MYT1L: variants seen among roughly 807,000 people sequenced by gnomAD.
The protein encoded by MYT1L is myelin transcription factor 1-like protein.
MYT1L carries 12 observed loss-of-function variants against 126.7 expected under a neutral mutation model. The observed-to-expected ratio is 0.09, with a 90% confidence interval of 0.06 to 0.15. The LOEUF is 0.15. MYT1L is among the 10% of genes least tolerant of loss of function. MYT1L has a pLI of 1.00. For missense variants in MYT1L, 979 were observed against 1,585.2 expected (o/e 0.62, Z 6.49); for synonymous variants, 541 against 604.2 (o/e 0.90, Z 1.53).
At chr2:2,156,637 C>T (rs908001669) in intron 3 of MYT1L, among the ~76,000 whole-genome samples, 2 of 152,196 alleles carry the variant, frequency 1.3e-5, no homozygotes, top group African/African-American at 4.8e-5. Context: ...CGAAGGCTGG[C>T]TTTCTGCTTT....
intron 1 of MYT1L, among the ~76,000 whole-genome samples, chr2:2,316,652 C>G (rs1383031540): frequency 3.3e-5 from 5 of 152,130 alleles, no homozygotes; most frequent in Non-Finnish European, 7.4e-5. Context: ...TCAAGGCAAC[C>G]CACCACCTAC....
intron 9 of MYT1L, among the ~76,000 whole-genome samples, chr2:1,934,131 C>T (rs568106365): frequency 2.6e-4 from 37 of 142,548 alleles, no homozygotes; most frequent in South Asian, 1.1e-3. Context: ...CCCGCCACCA[C>T]GCCTGGCTAA....
intron 18 of MYT1L, among the ~76,000 whole-genome samples, chr2:1,878,226 G>A (rs574438703): frequency 1.3e-4 from 20 of 152,152 alleles, no homozygotes; most frequent in African/African-American, 3.6e-4. Context: ...TCATCTCACC[G>A]TGCAGCTTGC....
At chr2:2,183,952 A>G (rs1375274738) in intron 2 of MYT1L, among the ~76,000 whole-genome samples, 15 of 140,050 alleles carry the variant, frequency 1.1e-4, no homozygotes, top group African/African-American at 3.2e-4. Flanking sequence ...AGGAAGGAAG[A>G]AAGGGAGGGA....
chr2:2,020,688 C>T (rs550776693), intron 4 of MYT1L, among the ~76,000 whole-genome samples: 1 of 152,218 alleles, frequency 6.6e-6, no homozygotes, highest in African/African-American at 2.4e-5. Context: ...TTTCTTGTTC[C>T]TAAGTTTTAA....
chr2:1,801,573 T>G lies in MYT1L; in HGVS notation c.3276+123A>C, dbSNP rs988350931. 4.5e-6 allele frequency: 3 copies of G among 663,294 alleles called. No individual in the cohort carries two copies. The highest frequency in any genetic ancestry group is 7.9e-6 in the Non-Finnish European group (3 of 377,514). 41.1% of individuals were successfully genotyped at this position (663,294 alleles called of 1,614,324 possible). A position where few individuals can be genotyped will look rare whatever the true frequency, so the allele number is the denominator to read the frequency against. ...AGACCAATATCATAAGGTGGAAAAATAAAGGAAATAAAAGAGCAAATAAGA... is the reference window on the plus strand; with the variant it reads ...AGACCAATATCATAAGGTGGAAAAAGAAAGGAAATAAAAGAGCAAATAAGA... On this transcript the variant is annotated intron_variant, in intron 23 of 24. Transcript: ENST00000647738. The surrounding 1 kb of genome is among the most constrained non-coding windows in gnomAD (Gnocchi z 4.2).
intron 3 of MYT1L, among the ~76,000 whole-genome samples, chr2:2,105,473 T>C (rs1309404286): frequency 1.3e-5 from 2 of 152,250 alleles, no homozygotes; most frequent in Admixed American, 6.5e-5. Context: ...ATTCTGTCTA[T>C]ACTGTGTTTT....
At chr2:2,301,968 G>A (rs1328689049) in intron 1 of MYT1L, among the ~76,000 whole-genome samples, 1 of 152,016 alleles carries the variant, frequency 6.6e-6, no homozygotes, top group Admixed American at 6.6e-5. Flanking sequence ...CTAAGTTAGA[G>A]TTTGTTGATA....
chr2:2,280,729 G>T (rs2149398880), intron 2 of MYT1L, among the ~76,000 whole-genome samples: 1 of 152,196 alleles, frequency 6.6e-6, no homozygotes, highest in East Asian at 1.9e-4. Flanking sequence ...GACCCCATCA[G>T]GAGGTGGAGA....
Position 1,793,336 on chromosome 2 carries a change from C to T in MYT1L, c.3277-872G>A, listed in dbSNP as rs2032633393. 6.6e-6 allele frequency among the ~76,000 whole-genome samples: 1 copy of T among 152,366 alleles called. No homozygotes were observed. The highest frequency in any genetic ancestry group is 1.9e-4 in the East Asian group (1 of 5,174). ...CACACGCAGCAGGCGGGGAGCTGCC[C>T]TGCCCATGGGGGTGTCTGCCTTGGG... On this transcript the variant is annotated intron_variant, in intron 23 of 24. Transcript: ENST00000647738. The surrounding 1 kb of genome is among the most constrained non-coding windows in gnomAD (Gnocchi z 4.6).
chr2:2,218,351 G>A (rs2093754480), intron 2 of MYT1L, among the ~76,000 whole-genome samples: 1 of 152,226 alleles, frequency 6.6e-6, no homozygotes, highest in South Asian at 2.1e-4. Flanking sequence ...AACAAATTGT[G>A]TAATATACAG....
chr2:2,057,869 T>A (rs2069815940), intron 3 of MYT1L, among the ~76,000 whole-genome samples: 1 of 152,214 alleles, frequency 6.6e-6, no homozygotes, highest in African/African-American at 2.4e-5. Context: ...TATTTCCAGT[T>A]TTTGGCTACC....
chr2:1,999,715 G>C (rs886620213), intron 4 of MYT1L, among the ~76,000 whole-genome samples: 1 of 152,106 alleles, frequency 6.6e-6, no homozygotes, highest in Non-Finnish European at 1.5e-5. Flanking sequence ...CATATGTGGG[G>C]TGTTTGTCTT....
intron 2 of MYT1L, among the ~76,000 whole-genome samples, chr2:2,204,471 C>T (rs572924467): frequency 1.4e-3 from 208 of 149,656 alleles, no homozygotes; most frequent in African/African-American, 5.0e-3. Context: ...AGACACTTCT[C>T]AAAAGAAGAC....
At chr2:2,151,473 C>A (rs1295030814) in intron 3 of MYT1L, among the ~76,000 whole-genome samples, 1 of 151,690 alleles carries the variant, frequency 6.6e-6, no homozygotes, top group Non-Finnish European at 1.5e-5. Flanking sequence ...GGGGCCAAAG[C>A]CAAACAGAAG....
intron 1 of MYT1L, chr2:2,319,082 T>G (rs939981376): frequency 3.9e-5 from 6 of 152,222 alleles, no homozygotes; most frequent in African/African-American, 1.4e-4. Flanking sequence ...TTTTGATGTT[T>G]CTGCAGCCAA....
At chr2:2,067,851 AAGAT>A (rs1275634713) in intron 3 of MYT1L, among the ~76,000 whole-genome samples, 3 of 152,170 alleles carry the variant, frequency 2.0e-5, no homozygotes, top group Admixed American at 6.5e-5. Context: ...AACACAATAA[AAGAT>A]AGTGCAGAAA....
chr2:1,988,193 TG>T (rs2061197334), intron 5 of MYT1L, among the ~76,000 whole-genome samples: 1 of 152,068 alleles, frequency 6.6e-6, no homozygotes, highest in South Asian at 2.1e-4. Context: ...ACCTACAGGG[TG>T]GAAACGGTGC....
chr2:2,112,989 G>A (rs758914893), intron 3 of MYT1L, among the ~76,000 whole-genome samples: 3 of 152,144 alleles, frequency 2.0e-5, no homozygotes, highest in Non-Finnish European at 4.4e-5. Context: ...GTGCTTGGAA[G>A]GCAGCAAGTG....
Sources: allele counts gnomAD v4.1 joint callset (sites outside exome capture counted in the v4.1 genomes callset), GRCh38; gene constraint gnomAD v4.1.1; non-coding constraint Gnocchi (gnomAD v3.1); transcripts MANE v1.5; gene names NCBI Gene and HGNC (gene_info 2026-07-23, HGNC 2026-07-21).